The following GPBP1L1 variants were observed in gnomAD, a reference collection of about 807,000 sequenced individuals.
The protein encoded by GPBP1L1 is vasculin-like protein 1.
A neutral mutation model predicts 52.5 loss-of-function variants in GPBP1L1; 23 were observed. That is an observed-to-expected ratio of 0.44 (90% confidence interval 0.32 to 0.62). The LOEUF (loss-of-function observed/expected upper bound fraction) is 0.62, where lower values mean the gene tolerates loss of function less well. Among genes scored for constraint, GPBP1L1 ranks in the 20% least tolerant of loss-of-function variants. GPBP1L1 has a pLI of 0.06. For missense variants in GPBP1L1, 596 were observed against 579.3 expected (o/e 1.03, Z -0.30); for synonymous variants, 243 against 203.1 (o/e 1.20, Z -1.67).
chr1:45,639,249 C>T (rs944003871), intron 8 of GPBP1L1, among the ~76,000 whole-genome samples: 1 of 151,998 alleles, frequency 6.6e-6, no homozygotes, highest in Non-Finnish European at 1.5e-5. Flanking sequence ...GACACAGAGA[C>T]ATGAGAAAAT....
rs770599994 is a variant in GPBP1L1 at position 45,655,337 on chromosome 1, G to T, written c.61-18C>A. The T allele has an allele frequency of 6.2e-7, 1 of 1,613,386 alleles. No homozygotes were observed. The highest frequency in any genetic ancestry group is 8.5e-7 in the Non-Finnish European group (1 of 1,179,438). ...GTAGGTGACTAAGATGATGAAGTAT[G>T]GAGAGGCAAATGGATAAATAGCTAT... is the stretch of plus-strand genomic sequence containing the variant. On this transcript the variant is annotated intron_variant, in intron 4 of 12. Transcript: ENST00000355105.
chr1:45,675,114 T>C (rs560616304), intron 2 of GPBP1L1, among the ~76,000 whole-genome samples: 3 of 152,156 alleles, frequency 2.0e-5, no homozygotes, highest in African/African-American at 7.2e-5. Context: ...CTGGCTAACA[T>C]GGTGAAATCC....
At chr1:45,656,664 T>C (rs1226610755) in intron 4 of GPBP1L1, among the ~76,000 whole-genome samples, 1 of 150,654 alleles carries the variant, frequency 6.6e-6, no homozygotes, top group African/African-American at 2.4e-5. Flanking sequence ...AATACATACA[T>C]AAGCCTTTTT....
intron 2 of GPBP1L1, among the ~76,000 whole-genome samples, chr1:45,662,557 G>A (rs1644958911): frequency 6.6e-6 from 1 of 152,098 alleles, no homozygotes; most frequent in African/African-American, 2.4e-5. Flanking sequence ...CAGCAGCCTT[G>A]CACTATTGTT....
intron 2 of GPBP1L1, among the ~76,000 whole-genome samples, chr1:45,664,527 T>G (rs578131760): frequency 6.6e-6 from 1 of 152,122 alleles, no homozygotes; most frequent in East Asian, 1.9e-4. Flanking sequence ...GATGGGCCAC[T>G]GCACTCCAGC....
upstream of GPBP1L1, chr1:45,687,973 C>G (rs79340953): frequency 9.8e-5 from 15 of 152,342 alleles, no homozygotes; most frequent in African/African-American, 3.1e-4. Flanking sequence ...AGTACTTGCA[C>G]TCTACTTACC....
At chr1:45,672,367 T>G (rs1299428750) in intron 2 of GPBP1L1, among the ~76,000 whole-genome samples, 1 of 152,100 alleles carries the variant, frequency 6.6e-6, no homozygotes, top group Non-Finnish European at 1.5e-5. Flanking sequence ...AAAGGATTTA[T>G]TCTTAGGTAC....
At chr1:45,644,886 T>C (rs1644722865) in intron 6 of GPBP1L1, among the ~76,000 whole-genome samples, 1 of 152,242 alleles carries the variant, frequency 6.6e-6, no homozygotes, top group Admixed American at 6.5e-5. Context: ...AAATAGGAAC[T>C]TCCCCTATTT....
At chr1:45,655,350 G>T in intron 4 of GPBP1L1, 31 bp from the exon 5 acceptor site, 3 of 1,611,594 alleles carry the variant, frequency 1.9e-6, no homozygotes. Context: ...GAGGCAAATG[G>T]ATAAATAGCT....
In GPBP1L1 at chr1:45,647,852, G is replaced by T. The variant is rs374300450; in HGVS notation, c.478-5353C>A. Among the ~76,000 whole-genome samples, 6 of 152,162 alleles carry T rather than the reference G, an allele frequency of 3.9e-5. No individual in the cohort carries two copies. In the East Asian group the frequency reaches 1.2e-3, roughly 29 times the overall value. Reference sequence around the variant, plus strand: ...AATCTCAGCCCTGGGGTGGTGGTAGGGAAATGGGGGACTCATTCTTGGACA... The same window carrying T: ...AATCTCAGCCCTGGGGTGGTGGTAGTGAAATGGGGGACTCATTCTTGGACA... On this transcript the variant is annotated intron_variant, in intron 6 of 12. Coordinates refer to ENST00000355105, the MANE Select transcript of GPBP1L1 (RefSeq NM_021639.5).
At chr1:45,633,912 G>A (rs1644562415) in intron 9 of GPBP1L1, 184 bp downstream of exon 9, 4 of 693,160 alleles carry the variant, frequency 5.8e-6, no homozygotes, top group Non-Finnish European at 9.3e-6. Context: ...GTCCACCACA[G>A]AGCATCTATC....
rs1420986194 is a variant in GPBP1L1, at chr1:45,660,815, AATCTT to A, written c.-692_-688del. 6.6e-6 allele frequency: 1 copy of A among 152,304 alleles called. No homozygotes were observed. Among genetic ancestry groups the A allele is most frequent in the African/African-American group, 2.4e-5 (1 of 41,456 alleles). 9.4% of individuals were successfully genotyped at this position (152,304 alleles called of 1,614,324 possible). A position where few individuals can be genotyped will look rare whatever the true frequency, so the allele number is the denominator to read the frequency against. ...TTAACCTTCAAAATCTAGGGACATA[AATCTT>A]GTCTTTGTTAAAAAAAAATAAAAAA... On this transcript the variant is annotated 5_prime_UTR_variant, in exon 3 of 13. Coordinates refer to ENST00000355105, the MANE Select transcript of GPBP1L1 (RefSeq NM_021639.5).
intron 7 of GPBP1L1, among the ~76,000 whole-genome samples, chr1:45,642,158 C>T (rs1457737132): frequency 6.6e-6 from 1 of 152,168 alleles, no homozygotes; most frequent in South Asian, 2.1e-4. Flanking sequence ...TAACAAACAC[C>T]ACCAAAACAA....
chr1:45,683,673 G>T (rs1287459558), intron 2 of GPBP1L1, among the ~76,000 whole-genome samples: 2 of 147,518 alleles, frequency 1.4e-5, no homozygotes, highest in African/African-American at 5.0e-5. Flanking sequence ...CCCTGAGTTC[G>T]AGACCATTGC....
chr1:45,653,861 G>C (rs1644850996), intron 6 of GPBP1L1, among the ~76,000 whole-genome samples: 1 of 151,786 alleles, frequency 6.6e-6, no homozygotes, highest in Non-Finnish European at 1.5e-5. Flanking sequence ...ACCAAGCCCA[G>C]CTAATTTTTG....
At chr1:45,651,970 A>G (rs1030359499) in intron 6 of GPBP1L1, 1 of 161,538 alleles carries the variant, frequency 6.2e-6, no homozygotes, top group Non-Finnish European at 1.3e-5. Context: ...ATGGATAAAT[A>G]AATCAAGTGT....
At chr1:45,662,649 G>A (rs931363852) in intron 2 of GPBP1L1, among the ~76,000 whole-genome samples, 1 of 152,168 alleles carries the variant, frequency 6.6e-6, no homozygotes, top group Non-Finnish European at 1.5e-5. Context: ...CAATAAAAGA[G>A]AGGCCCCAAA....
intron 2 of GPBP1L1, among the ~76,000 whole-genome samples, chr1:45,672,188 ATG>A (rs1645081562): frequency 6.6e-6 from 1 of 151,966 alleles, no homozygotes; most frequent in African/African-American, 2.4e-5. Flanking sequence ...CTATGAAACC[ATG>A]TCTCTACTAA....
intron 8 of GPBP1L1, among the ~76,000 whole-genome samples, chr1:45,637,531 G>A (rs1017808419): frequency 6.6e-6 from 1 of 151,972 alleles, no homozygotes; most frequent in Non-Finnish European, 1.5e-5. Flanking sequence ...AAGAGCAGCA[G>A]CCTTTATATT....
Sources: allele counts gnomAD v4.1 joint callset (sites outside exome capture counted in the v4.1 genomes callset), GRCh38; gene constraint gnomAD v4.1.1; transcripts MANE v1.5; gene names NCBI Gene and HGNC (gene_info 2026-07-23, HGNC 2026-07-21).